DLGAP2: variants seen among roughly 807,000 people sequenced by gnomAD.
DLGAP2 encodes the protein disks large-associated protein 2.
In DLGAP2, 26 loss-of-function variants were observed where a neutral mutation model predicts 100.3. The observed-to-expected ratio is 0.26, with a 90% confidence interval of 0.19 to 0.36. The LOEUF (loss-of-function observed/expected upper bound fraction) is 0.36, where lower values mean the gene tolerates loss of function less well. DLGAP2 is among the 10% of genes least tolerant of loss of function. The pLI, the probability that DLGAP2 is intolerant of heterozygous loss-of-function variation, is 1.00. For synonymous variants in DLGAP2, 886 were observed against 630.1 expected, an observed-to-expected ratio of 1.41 and a Z score of -6.08; for missense variants, 1,858 against 1,453.2, an observed-to-expected ratio of 1.28 and a Z score of -4.53.
chr8:1,676,281 G>A (rs533105950), intron 10 of DLGAP2, among the ~76,000 whole-genome samples: 1 of 152,226 alleles, frequency 6.6e-6, no homozygotes, highest in Non-Finnish European at 1.5e-5. Context: ...AGTTTTATTT[G>A]CATACATTTA....
chr8:1,379,435 C>T (rs1013220585), intron 3 of DLGAP2, among the ~76,000 whole-genome samples: 1 of 152,232 alleles, frequency 6.6e-6, no homozygotes, highest in African/African-American at 2.4e-5. Flanking sequence ...ATACCTCAGA[C>T]CAAGGCAGCC....
At chr8:1,024,737 G>A (rs954262029) in intron 2 of DLGAP2, among the ~76,000 whole-genome samples, 3 of 152,282 alleles carry the variant, frequency 2.0e-5, no homozygotes, top group East Asian at 1.9e-4. Context: ...GCTGGGTCAC[G>A]GTCACGTAGG....
At chr8:1,414,473 C>T (rs890470685) in intron 3 of DLGAP2, among the ~76,000 whole-genome samples, 1 of 152,172 alleles carries the variant, frequency 6.6e-6, no homozygotes, top group African/African-American at 2.4e-5. Flanking sequence ...AGGGACTGAC[C>T]AGGCCGGGGG....
intron 11 of DLGAP2, among the ~76,000 whole-genome samples, chr8:1,677,430 A>G (rs889970360): frequency 4.6e-5 from 7 of 152,136 alleles, no homozygotes; most frequent in African/African-American, 1.7e-4. Flanking sequence ...AACGTCACTA[A>G]CCAGCTGCAT....
At chr8:1,228,615 A>G (rs945690227) in intron 2 of DLGAP2, among the ~76,000 whole-genome samples, 21 of 152,226 alleles carry the variant, frequency 1.4e-4, no homozygotes, top group African/African-American at 5.1e-4. Context: ...TTTTTCCAGG[A>G]TTTCAAGTTT....
intron 1 of DLGAP2, among the ~76,000 whole-genome samples, chr8:787,536 C>T (rs1821904437): frequency 6.6e-6 from 1 of 152,232 alleles, no homozygotes; most frequent in African/African-American, 2.4e-5. Flanking sequence ...GTGCAGGGGG[C>T]ACTGGCCCAT....
At chr8:1,005,241 A>G (rs1271125322) in intron 2 of DLGAP2, among the ~76,000 whole-genome samples, 1 of 152,068 alleles carries the variant, frequency 6.6e-6, no homozygotes, top group Non-Finnish European at 1.5e-5. Flanking sequence ...GCCTTGAGGG[A>G]ACAGCTGTGG....
At chr8:841,170 G>T (rs73532365) in intron 1 of DLGAP2, among the ~76,000 whole-genome samples, 1 of 152,202 alleles carries the variant, frequency 6.6e-6, no homozygotes, top group African/African-American at 2.4e-5. Context: ...ATAAATCCTC[G>T]ATTCTTCCCC....
rs373727306 is a variant in DLGAP2 at position 1,561,269 on chromosome 8, G to A, written c.1231-4414G>A. Among the ~76,000 whole-genome samples the A allele has an allele frequency of 7.2e-5, 11 of 151,746 alleles. No individual in the cohort carries two copies. The East Asian group carries it at 1.2e-3, about 16-fold the overall frequency. On this transcript the variant is annotated intron_variant, in intron 5 of 14. Coordinates refer to ENST00000637795, the MANE Select transcript of DLGAP2 (RefSeq NM_001346810.2). ...TCCTTTATAAATTGCCCAGTCTGGG[G>A]TATGTCTTTATTAGCAGTGTGAGAA...
At position 1,503,970 on chromosome 8, in the gene DLGAP2, G is replaced by A. The variant is rs139732429; in HGVS notation, c.172+2539G>A. On this transcript the variant is annotated intron_variant, in intron 4 of 14. Coordinates refer to ENST00000637795, the MANE Select transcript of DLGAP2 (RefSeq NM_001346810.2). The stretch of plus-strand genomic sequence containing the variant: ...CTGAAGCAGCCAGGTGCAGGCACAC[G>A]GTGACCTGGAGTCACAAGATTTGTG... Among the ~76,000 whole-genome samples, 41 of 152,254 alleles carry A rather than the reference G, an allele frequency of 2.7e-4. 1 individual carries two copies. The highest frequency in any genetic ancestry group is 2.4e-4 in the African/African-American group (10 of 41,520).
intron 2 of DLGAP2, among the ~76,000 whole-genome samples, chr8:1,131,428 C>T (rs1796291644): frequency 6.6e-6 from 1 of 152,302 alleles, no homozygotes. Flanking sequence ...ACTCTGTGCT[C>T]ATGTAGGGGA....
intron 3 of DLGAP2, among the ~76,000 whole-genome samples, chr8:1,498,619 G>A (rs1309049070): frequency 6.6e-6 from 1 of 152,202 alleles, no homozygotes; most frequent in Admixed American, 6.5e-5. Context: ...CCGTGATAAA[G>A]CTCAGCACAT....
At chr8:1,002,572 G>A (rs2129018434) in intron 2 of DLGAP2, 1 of 152,352 alleles carries the variant, frequency 6.6e-6, no homozygotes, top group African/African-American at 2.4e-5. Context: ...GACACAGGAG[G>A]TGTCAAGGCT....
intron 2 of DLGAP2, among the ~76,000 whole-genome samples, chr8:1,142,394 C>T (rs1289171343): frequency 6.6e-6 from 1 of 152,102 alleles, no homozygotes; most frequent in Non-Finnish European, 1.5e-5. Flanking sequence ...ATCCCTTGAA[C>T]GTAGAGATTT....
chr8:1,299,922 C>T (rs1800290509), intron 3 of DLGAP2: 1 of 152,208 alleles, frequency 6.6e-6, no homozygotes, highest in African/African-American at 2.4e-5. Flanking sequence ...TTAATTTTCT[C>T]ACCGTTCTGG....
At chr8:1,570,478 T>A (rs1048156207) in intron 6 of DLGAP2, among the ~76,000 whole-genome samples, 2 of 152,268 alleles carry the variant, frequency 1.3e-5, no homozygotes, top group African/African-American at 4.8e-5. Flanking sequence ...ATCCAATTCC[T>A]CATTTGTCTT....
At chr8:1,590,404 C>G (rs746139248) in intron 6 of DLGAP2, among the ~76,000 whole-genome samples, 1 of 152,126 alleles carries the variant, frequency 6.6e-6, no homozygotes, top group Non-Finnish European at 1.5e-5. Context: ...TTTCCATCTC[C>G]GTGTTGGCTT....
At chr8:1,314,288 G>A (rs772860357) in intron 3 of DLGAP2, among the ~76,000 whole-genome samples, 7 of 152,192 alleles carry the variant, frequency 4.6e-5, no homozygotes, top group Non-Finnish European at 1.0e-4. Context: ...CCCTTATAAA[G>A]TAGAGGTTTT....
intron 3 of DLGAP2, among the ~76,000 whole-genome samples, chr8:1,287,157 T>TGTGTGTGTGCGC (rs1315463950): frequency 4.0e-5 from 4 of 99,438 alleles, no homozygotes; most frequent in African/African-American, 1.3e-4. Flanking sequence ...TGTGTGTGTG[T>TGTGTGTGTGCGC]GCGCGCGCGC....
Sources: allele counts gnomAD v4.1 joint callset (sites outside exome capture counted in the v4.1 genomes callset), GRCh38; gene constraint gnomAD v4.1.1; transcripts MANE v1.5; gene names NCBI Gene and HGNC (gene_info 2026-07-23, HGNC 2026-07-21).